The following GOLPH3 variants were observed in gnomAD, a reference collection of about 807,000 sequenced individuals.
GOLPH3 encodes the protein coat protein GPP34.
GOLPH3 carries 14 observed loss-of-function variants against 28.5 expected under a neutral mutation model. The observed-to-expected ratio is 0.49, with a 90% CI of 0.32 to 0.77. The LOEUF is 0.77. Ranked by LOEUF, GOLPH3 falls within the 30% of genes least tolerant of loss-of-function variation. The probability of loss-of-function intolerance (pLI) is 0.03; values close to 1 mark genes in which losing one functional copy is unlikely to be tolerated. For synonymous variants in GOLPH3, 158 were observed against 159.2 expected (o/e 0.99, Z 0.06); for missense variants, 350 against 393.7 (o/e 0.89, Z 0.94).
At chr5:32,130,975 A>G (rs749338728) in intron 3 of GOLPH3, among the ~76,000 whole-genome samples, 15 of 152,248 alleles carry the variant, frequency 9.9e-5, no homozygotes, top group Admixed American at 2.0e-4. Flanking sequence ...AAAAATTAGA[A>G]GAGCCTAAAC....
chr5:32,129,934 T>C (rs1745788174), intron 3 of GOLPH3, among the ~76,000 whole-genome samples: 1 of 151,990 alleles, frequency 6.6e-6, no homozygotes, highest in South Asian at 2.1e-4. Flanking sequence ...CTCCGCCTCC[T>C]GGGTTCACGT....
At chr5:32,130,418 G>A (rs1268013488) in intron 3 of GOLPH3, among the ~76,000 whole-genome samples, 2 of 152,130 alleles carry the variant, frequency 1.3e-5, no homozygotes, top group African/African-American at 4.8e-5. Flanking sequence ...ATAATTTGTT[G>A]TTATCAAAGA....
intron 1 of GOLPH3, among the ~76,000 whole-genome samples, chr5:32,155,361 AT>A (rs1746396953): frequency 2.0e-5 from 3 of 151,972 alleles, no homozygotes; most frequent in Non-Finnish European, 2.9e-5. Context: ...TTTTATTTTT[AT>A]TTTTTTAGCA....
intron 2 of GOLPH3, among the ~76,000 whole-genome samples, chr5:32,140,875 C>T (rs979933703): frequency 2.0e-5 from 3 of 150,200 alleles, no homozygotes; most frequent in African/African-American, 4.9e-5. Context: ...TACTAGAAAA[C>T]AGTGGGCTGG....
At chr5:32,128,173 A>C (rs1745725352) in intron 3 of GOLPH3, among the ~76,000 whole-genome samples, 1 of 152,232 alleles carries the variant, frequency 6.6e-6, no homozygotes, top group Non-Finnish European at 1.5e-5. Flanking sequence ...AAGCTAGGCA[A>C]AGAACACCTA....
Position 32,173,835 on chromosome 5 carries a change from A to G in GOLPH3, c.200T>C (p.Leu67Pro). 1.3e-6 allele frequency: 2 copies of G among 1,500,242 alleles called. No homozygotes were observed. Among genetic ancestry groups the G allele is most frequent in the Non-Finnish European group, 1.8e-6 (2 of 1,125,572 alleles). The allele number at this position is 1,500,242 out of a possible 1,614,324, so 92.9% of individuals were successfully genotyped here. A position where few individuals can be genotyped will look rare whatever the true frequency, so the allele number is the denominator to read the frequency against. ...CTCGCGGTCCTTGAGGCCCAGCAGGAGCACTTCCTCCATCAGGGTCAGCCG... is the reference window on the plus strand; with the variant it reads ...CTCGCGGTCCTTGAGGCCCAGCAGGGGCACTTCCTCCATCAGGGTCAGCCG... Reference protein sequence around the residue: ...ETRLTLMEEVLLLGLKDREGY... With the variant: ...ETRLTLMEEVPLLGLKDREGY... Residue 67 changes from leucine to proline, a missense_variant, in exon 1 of 4, where the codon CTC becomes CCC. By Grantham distance (98) the Leu-to-Pro change is moderately conservative. Coordinates refer to ENST00000265070, the MANE Select transcript of GOLPH3 (RefSeq NM_022130.4).
In GOLPH3 at chr5:32,174,169, G is replaced by A. The variant is rs1046630527; in HGVS notation, c.-135C>T. 3 of 499,074 alleles carry A rather than the reference G, an allele frequency of 6.0e-6. No individual in the cohort carries two copies. The Admixed American group carries it at 1.4e-4, about 23-fold the overall frequency. 30.9% of individuals were successfully genotyped at this position (499,074 alleles called of 1,614,324 possible). A position where few individuals can be genotyped will look rare whatever the true frequency, so the allele number is the denominator to read the frequency against. ...CCGGGGCGACGTCCGTCGGCAGCAG[G>A]GCCGGGGGCAGTCATGAGGAAACAG... On this transcript the variant is annotated 5_prime_UTR_variant, in exon 1 of 4. Transcript: ENST00000265070.
intron 2 of GOLPH3, among the ~76,000 whole-genome samples, chr5:32,142,045 G>T (rs1746075917): frequency 1.3e-5 from 2 of 152,182 alleles, no homozygotes; most frequent in Non-Finnish European, 2.9e-5. Context: ...GAAGTGAGGA[G>T]CGTCTCCGCC....
intron 3 of GOLPH3, among the ~76,000 whole-genome samples, chr5:32,128,127 G>C (rs1026957579): frequency 6.6e-6 from 1 of 152,230 alleles, no homozygotes; most frequent in African/African-American, 2.4e-5. Flanking sequence ...TGGGCTGAAA[G>C]CTAAAGCTAC....
chr5:32,143,896 GAAGA>G lies in GOLPH3; in HGVS notation c.226-20_226-17del, dbSNP rs771348558. On this transcript the variant is annotated splice_polypyrimidine_tract_variant and intron_variant, in intron 1 of 3. Coordinates refer to ENST00000265070, the MANE Select transcript of GOLPH3 (RefSeq NM_022130.4). Reference sequence around the variant, plus strand: ...ATGTGTAACCCTATTAAAAAAAGAAGAAGAAATAAAACAAAATAGCTAATTTACC... The same window carrying G: ...ATGTGTAACCCTATTAAAAAAAGAAGAATAAAACAAAATAGCTAATTTACC... The G allele has an allele frequency of 1.4e-5, 20 of 1,477,520 alleles. No homozygotes were observed. Among genetic ancestry groups the G allele is most frequent in the Admixed American group, 1.3e-4 (5 of 37,758 alleles). 91.5% of individuals were successfully genotyped at this position (1,477,520 alleles called of 1,614,324 possible).
intron 1 of GOLPH3, among the ~76,000 whole-genome samples, chr5:32,148,716 G>A (rs1746233980): frequency 6.6e-6 from 1 of 152,246 alleles, no homozygotes; most frequent in South Asian, 2.1e-4. Flanking sequence ...AGAATAACGT[G>A]ACCCCAGGAG....
chr5:32,174,119 C>T lies in GOLPH3; in HGVS notation c.-85G>A, dbSNP rs1290062671. The T allele has an allele frequency of 1.2e-5, 12 of 973,736 alleles. No individual in the cohort carries two copies. The highest frequency in any genetic ancestry group is 2.7e-6 in the Non-Finnish European group (2 of 754,482). 60.3% of individuals were successfully genotyped at this position (973,736 alleles called of 1,614,324 possible). A position where few individuals can be genotyped will look rare whatever the true frequency, so the allele number is the denominator to read the frequency against. ...CCTCCTCCCCGCGCGGCCTCCGATCCGGGTTTCCGTGTTAAATCCGGACGC... is the reference window on the plus strand; with the variant it reads ...CCTCCTCCCCGCGCGGCCTCCGATCTGGGTTTCCGTGTTAAATCCGGACGC... On this transcript the variant is annotated 5_prime_UTR_variant, in exon 1 of 4. Coordinates refer to ENST00000265070, the MANE Select transcript of GOLPH3 (RefSeq NM_022130.4).
At chr5:32,142,599 TG>T (rs1188297621) in intron 2 of GOLPH3, among the ~76,000 whole-genome samples, 2 of 97,644 alleles carry the variant, frequency 2.0e-5, no homozygotes, top group Non-Finnish European at 4.0e-5. Context: ...GGGAGGGAGG[TG>T]GGGGGGTCAG....
chr5:32,143,959 G>T, intron 1 of GOLPH3, 79 bp from the exon 2 acceptor site: 1 of 958,054 alleles, frequency 1.0e-6, no homozygotes, highest in Non-Finnish European at 1.5e-6. Context: ...AATATTATCA[G>T]CCAAAGTCAT....
chr5:32,149,905 G>A (rs1746268146), intron 1 of GOLPH3, among the ~76,000 whole-genome samples: 1 of 152,026 alleles, frequency 6.6e-6, no homozygotes, highest in African/African-American at 2.4e-5. Flanking sequence ...GCTGAGGCAG[G>A]AGAATCGCTA....
chr5:32,127,966 A>C (rs1490582106), intron 3 of GOLPH3, among the ~76,000 whole-genome samples: 1 of 151,908 alleles, frequency 6.6e-6, no homozygotes, highest in African/African-American at 2.4e-5. Context: ...GGAAGAACCC[A>C]AGCAGAGCAC....
chr5:32,158,271 TCAG>T lies in GOLPH3; in HGVS notation c.226-14394_226-14392del, dbSNP rs537528051. On this transcript the variant is annotated intron_variant, in intron 1 of 3. Coordinates refer to ENST00000265070, the MANE Select transcript of GOLPH3 (RefSeq NM_022130.4). ...CAAACCTCTAAAGCTCAGCTCATTT[TCAG>T]CAGATTACTTCACAAAAACAAACCA... 3.4e-4 allele frequency among the ~76,000 whole-genome samples: 51 copies of T among 152,094 alleles called. 1 individual carries two copies. The South Asian group carries it at 0.01, about 30-fold the overall frequency.
intron 1 of GOLPH3, among the ~76,000 whole-genome samples, chr5:32,172,931 G>A (rs922913580): frequency 1.3e-5 from 2 of 152,206 alleles, no homozygotes; most frequent in Non-Finnish European, 2.9e-5. Flanking sequence ...AATCTAGAAA[G>A]AGTATATATG....
chr5:32,139,294 T>C (rs1746006082), intron 2 of GOLPH3, among the ~76,000 whole-genome samples: 1 of 152,206 alleles, frequency 6.6e-6, no homozygotes, highest in Non-Finnish European at 1.5e-5. Context: ...TGACATAAAG[T>C]ATAGAAGAGG....
Sources: gnomAD v4.1 joint callset for allele counts (sites outside exome capture counted in the v4.1 genomes callset) on GRCh38, gnomAD v4.1.1 for gene constraint, MANE v1.5 for transcripts, NCBI Gene and HGNC (gene_info 2026-07-23, HGNC 2026-07-21) for gene names.